ORMDL1: variants seen among roughly 807,000 people sequenced by gnomAD.
The protein encoded by ORMDL1 is ORM1-like protein 1.
In ORMDL1, 10 loss-of-function variants were observed where a neutral mutation model predicts 13.0. The observed-to-expected ratio is 0.77, with a 90% confidence interval of 0.47 to 1.30. The LOEUF (loss-of-function observed/expected upper bound fraction) is 1.30, where lower values mean the gene tolerates loss of function less well. Among genes scored for constraint, ORMDL1 ranks in the 50% most tolerant of loss-of-function variants. ORMDL1 has a pLI of 0.00. For synonymous variants in ORMDL1, 61 were observed against 63.9 expected (o/e 0.95, Z 0.22); for missense variants, 171 against 186.7 (o/e 0.92, Z 0.49).
At chr2:189,778,409 A>C in intron 3 of ORMDL1, 1 of 455,414 alleles carries the variant, frequency 2.2e-6, no homozygotes, top group South Asian at 1.5e-5. Context: ...AAAAAGGACT[A>C]ACTTATTCGG....
intron 3 of ORMDL1, among the ~76,000 whole-genome samples, chr2:189,780,524 A>G (rs2106155443): frequency 6.6e-6 from 1 of 152,328 alleles, no homozygotes; most frequent in Admixed American, 6.5e-5. Context: ...AAATAGGAGC[A>G]TCCTTATTCT....
At position 189,778,166 on chromosome 2, in the gene ORMDL1, G is replaced by A. The variant is rs560803380; in HGVS notation, c.175-2450C>T. ...ACTCAGCACTTTGGGAGGCCGAGGCGGGCAGATCACCTGAGGTTGGGAGTT... is the reference window on the plus strand; with the variant it reads ...ACTCAGCACTTTGGGAGGCCGAGGCAGGCAGATCACCTGAGGTTGGGAGTT... On this transcript the variant is annotated intron_variant, in intron 3 of 4. Coordinates refer to ENST00000392349, the MANE Select transcript of ORMDL1 (RefSeq NM_016467.5). The A allele has an allele frequency of 2.0e-4, 88 of 438,574 alleles. 1 individual carries two copies. The highest frequency in any genetic ancestry group is 1.0e-3 in the South Asian group (61 of 61,242). 27.2% of individuals were successfully genotyped at this position (438,574 alleles called of 1,614,324 possible). A position where few individuals can be genotyped will look rare whatever the true frequency, so the allele number is the denominator to read the frequency against.
intron 4 of ORMDL1, among the ~76,000 whole-genome samples, chr2:189,772,897 T>C (rs1161936063): frequency 6.6e-6 from 1 of 152,184 alleles, no homozygotes; most frequent in African/African-American, 2.4e-5. Flanking sequence ...ACCATCTAGA[T>C]TGAGAAATTC....
At chr2:189,763,874 T>C in the ORMDL1 span, 1 of 152,230 alleles carries the variant, frequency 6.6e-6, no homozygotes, top group Admixed American at 6.5e-5. Context: ...TTGAGGTTTT[T>C]TATTTGGAAC....
downstream of ORMDL1, among the ~76,000 whole-genome samples, chr2:189,769,413 CA>C (rs1325071735): frequency 1.3e-5 from 2 of 151,060 alleles, no homozygotes; most frequent in African/African-American, 4.9e-5. Flanking sequence ...AAAGTTAAGG[CA>C]GGGGGTTGAA....
Position 189,771,501 on chromosome 2 carries a change from C to A in ORMDL1, c.*266G>T, listed in dbSNP as rs2047578292. On this transcript the variant is annotated 3_prime_UTR_variant, in exon 5 of 5. Transcript: ENST00000392349. Reference sequence around the variant, plus strand: ...TTTCCTTGAATTTATCTACTACACCCTCACTGTGATGCCCTTTAACTTATA... The same window carrying A: ...TTTCCTTGAATTTATCTACTACACCATCACTGTGATGCCCTTTAACTTATA... The A allele has an allele frequency of 1.1e-5, 3 of 263,968 alleles. No individual in the cohort carries two copies. Among genetic ancestry groups the A allele is most frequent in the Non-Finnish European group, 2.1e-5 (3 of 141,684 alleles). The allele number at this position is 263,968 out of a possible 1,614,324, so 16.4% of individuals were successfully genotyped here.
At chr2:189,777,801 T>A (rs1165125547) in intron 3 of ORMDL1, among the ~76,000 whole-genome samples, 1 of 152,134 alleles carries the variant, frequency 6.6e-6, no homozygotes, top group Non-Finnish European at 1.5e-5. Context: ...CCACTGTAGG[T>A]TTCTACTGTA....
chr2:189,771,744 T>A lies in ORMDL1; in HGVS notation c.*23A>T. 4 of 1,555,262 alleles carry A rather than the reference T, an allele frequency of 2.6e-6. No homozygotes were observed. The highest frequency in any genetic ancestry group is 3.5e-6 in the Non-Finnish European group (4 of 1,152,974). ...TATAAGAAATTCAGTAGCTGTAAAA[T>A]TTTTTTTCAGTTTCAAAACATTTCA... On this transcript the variant is annotated 3_prime_UTR_variant, in exon 5 of 5. Transcript: ENST00000392349.
chr2:189,776,838 T>C (rs2047708282), intron 3 of ORMDL1, among the ~76,000 whole-genome samples: 1 of 152,068 alleles, frequency 6.6e-6, no homozygotes, highest in Non-Finnish European at 1.5e-5. Context: ...TATATGCACA[T>C]ATGAAATTGA....
intron 1 of ORMDL1, chr2:189,783,622 CGCT>C (rs2047964747): frequency 6.6e-6 from 1 of 152,176 alleles, no homozygotes; most frequent in African/African-American, 2.4e-5. Context: ...ACACTAAGAC[CGCT>C]AAAGCCTCCA....
At chr2:189,764,675 TCA>T in the ORMDL1 span, among the ~76,000 whole-genome samples, 2 of 152,278 alleles carry the variant, frequency 1.3e-5, no homozygotes, top group East Asian at 3.9e-4. Flanking sequence ...ATGGGCATTC[TCA>T]AAAAATATGG....
the ORMDL1 span, chr2:189,764,156 T>C: frequency 2.0e-5 from 3 of 152,190 alleles, no homozygotes; most frequent in Non-Finnish European, 4.4e-5. Flanking sequence ...TAGGGTGCAC[T>C]GTTGGCCTAA....
rs1347932406 is a variant in ORMDL1 at position 189,771,800 on chromosome 2, A to T, written c.429T>A (p.His143Gln). The change falls in exon 5 of 5, where the codon CAT becomes CAA. Residue 143 changes from histidine to glutamine, a missense_variant. His to Gln is a conservative substitution (Grantham distance 24). Coordinates refer to ENST00000392349, the MANE Select transcript of ORMDL1 (RefSeq NM_016467.5). ...TATTAATTCCAAAGATCCGAACACC[A>T]TGTAGTTGTGGCATTTTGGGAATTA... is the stretch of plus-strand genomic sequence containing the variant. ...SVLIPKMPQLHGVRIFGINKY is the reference protein window; with the variant it reads ...SVLIPKMPQLQGVRIFGINKY 6.2e-7 allele frequency: 1 copy of T among 1,612,032 alleles called. No individual in the cohort carries two copies. Among genetic ancestry groups the T allele is most frequent in the Non-Finnish European group, 8.5e-7 (1 of 1,179,312 alleles).
chr2:189,778,838 T>A (rs1377166217), intron 3 of ORMDL1, among the ~76,000 whole-genome samples: 1 of 152,062 alleles, frequency 6.6e-6, no homozygotes, highest in East Asian at 1.9e-4. Flanking sequence ...CAGGTTGCAG[T>A]GAGCCAAGAT....
At chr2:189,769,515 C>T (rs1201895949), downstream of ORMDL1, among the ~76,000 whole-genome samples, 3 of 152,034 alleles carry the variant, frequency 2.0e-5, no homozygotes, top group African/African-American at 7.3e-5. Context: ...TATTATTATG[C>T]CTCTTAGGAT....
At chr2:189,777,697 C>T (rs552697927) in intron 3 of ORMDL1, among the ~76,000 whole-genome samples, 1 of 152,290 alleles carries the variant, frequency 6.6e-6, no homozygotes, top group African/African-American at 2.4e-5. Flanking sequence ...TAAATACCTA[C>T]TGAATCAAAA....
intron 3 of ORMDL1, among the ~76,000 whole-genome samples, chr2:189,779,877 C>T (rs1415443169): frequency 1.3e-5 from 2 of 152,270 alleles, no homozygotes; most frequent in Admixed American, 6.5e-5. Flanking sequence ...CTTAGGTGAC[C>T]TTGTATTCTT....
At chr2:189,773,637 G>A (rs1418510748) in intron 4 of ORMDL1, among the ~76,000 whole-genome samples, 3 of 149,656 alleles carry the variant, frequency 2.0e-5, no homozygotes, top group Non-Finnish European at 3.0e-5. Context: ...CAGGAGAATC[G>A]CTTGAACCTG....
chr2:189,770,592 T>C lies in ORMDL1; in HGVS notation c.*1175A>G, dbSNP rs1412410505. 2 of 152,210 alleles carry C rather than the reference T, an allele frequency of 1.3e-5. No homozygotes were observed. Among genetic ancestry groups the C allele is most frequent in the African/African-American group, 4.8e-5 (2 of 41,438 alleles). 9.4% of individuals were successfully genotyped at this position (152,210 alleles called of 1,614,324 possible). A position where few individuals can be genotyped will look rare whatever the true frequency, so the allele number is the denominator to read the frequency against. On this transcript the variant is annotated 3_prime_UTR_variant, in exon 5 of 5. Transcript: ENST00000392349. ...GTCCCATATCTGAACTTTGTTTTTTTTGACATGTTTACTTCTCAAAGTAGT... is the reference window on the plus strand; with the variant it reads ...GTCCCATATCTGAACTTTGTTTTTTCTGACATGTTTACTTCTCAAAGTAGT...
Sources: allele counts gnomAD v4.1 joint callset (sites outside exome capture counted in the v4.1 genomes callset), GRCh38; gene constraint gnomAD v4.1.1; transcripts MANE v1.5; gene names NCBI Gene and HGNC (gene_info 2026-07-23, HGNC 2026-07-21).